Variants in ZRANB1 observed in about 807,000 individuals in gnomAD.
ZRANB1 encodes zinc finger RANBP2-type containing 1, also known as ubiquitin thioesterase ZRANB1.
Under a neutral mutation model 80.5 loss-of-function variants are expected in ZRANB1, and 16 were observed. The observed-to-expected ratio is 0.20, with a 90% CI of 0.13 to 0.30. ZRANB1 has a LOEUF of 0.30. Among genes scored for constraint, ZRANB1 ranks in the 10% least tolerant of loss-of-function variants. ZRANB1 has a pLI of 1.00. For synonymous variants in ZRANB1, 291 were observed against 293.1 expected (o/e 0.99, Z 0.07); for missense variants, 576 against 862.6 (o/e 0.67, Z 4.16).
chr10:124,923,177 C>T, the ZRANB1 span, among the ~76,000 whole-genome samples: 1 of 151,696 alleles, frequency 6.6e-6, no homozygotes, highest in Non-Finnish European at 1.5e-5. Flanking sequence ...GTCTCAGTTA[C>T]TCGGGAGGCT....
intron 8 of ZRANB1, among the ~76,000 whole-genome samples, chr10:124,984,106 C>T (rs1413577636): frequency 1.3e-5 from 2 of 151,914 alleles, no homozygotes; most frequent in Admixed American, 6.6e-5. Context: ...GGGGGGAGTT[C>T]ATTGAAGGCT....
chr10:124,948,151 T>G (rs1951600454), intron 1 of ZRANB1, among the ~76,000 whole-genome samples: 2 of 152,264 alleles, frequency 1.3e-5, no homozygotes, highest in South Asian at 4.2e-4. Flanking sequence ...CTCAGCCTAC[T>G]CAAGGTGAAG....
the ZRANB1 span, among the ~76,000 whole-genome samples, chr10:124,929,421 C>T: frequency 6.6e-5 from 10 of 151,582 alleles, no homozygotes; most frequent in Admixed American, 2.0e-4. Flanking sequence ...CTGCAACGTC[C>T]GTCTACAGTA....
Position 124,943,096 on chromosome 10 carries a change from T to C in ZRANB1, c.603T>C (p.Ala201=), listed in dbSNP as rs759744761. ...CAATAATAAATGAGCAAGACAGAGCTCGATGGAGGGGAAGTTGCAGTAGTG... is the reference window on the plus strand; with the variant it reads ...CAATAATAAATGAGCAAGACAGAGCCCGATGGAGGGGAAGTTGCAGTAGTG... ...ASSIINEQDR[A]RWRGSCSSGN... is the part of the protein sequence containing the mutation. The change falls in exon 1 of 9, where the codon GCT becomes GCC. Residue 201 remains alanine (A), a synonymous_variant. Transcript: ENST00000359653. 1.2e-6 allele frequency: 2 copies of C among 1,614,056 alleles called. No individual in the cohort carries two copies. The highest frequency in any genetic ancestry group is 1.7e-6 in the Non-Finnish European group (2 of 1,180,004).
At chr10:124,927,244 C>T in the ZRANB1 span, among the ~76,000 whole-genome samples, 8 of 152,210 alleles carry the variant, frequency 5.3e-5, no homozygotes, top group East Asian at 3.8e-4. Flanking sequence ...CGTGAGCCAC[C>T]GCGCCCGGCC....
the ZRANB1 span, among the ~76,000 whole-genome samples, chr10:124,924,600 CTCTTATAATACTTCCAAGGTTTATG>C: frequency 9.9e-5 from 15 of 152,072 alleles, no homozygotes; most frequent in Admixed American, 3.9e-4. Context: ...TGGCTTTTTT[CTCTTATAATACTTCCAAGGTTTATG>C]TTGTGGCATG....
the ZRANB1 span, among the ~76,000 whole-genome samples, chr10:124,933,833 C>T: frequency 4.6e-5 from 7 of 152,108 alleles, no homozygotes; most frequent in South Asian, 4.1e-4. Context: ...TTTCTTGTTA[C>T]GATTGAGGAA....
intron 1 of ZRANB1, among the ~76,000 whole-genome samples, chr10:124,943,528 AGTGT>A (rs4020644): frequency 8.1e-5 from 12 of 148,730 alleles, no homozygotes; most frequent in African/African-American, 2.0e-4. Flanking sequence ...CAAAAATGTG[AGTGT>A]GTGTGTGTGT....
chr10:124,937,068 C>T, the ZRANB1 span, among the ~76,000 whole-genome samples: 4 of 152,068 alleles, frequency 2.6e-5, no homozygotes, highest in South Asian at 8.3e-4. Flanking sequence ...AATTCTCCTG[C>T]CTCAGCCTCC....
In ZRANB1 at chr10:124,972,057, G is replaced by T; in HGVS notation, c.1095G>T (p.Gln365His). 6.2e-7 allele frequency: 1 copy of T among 1,614,014 alleles called. No homozygotes were observed. Among genetic ancestry groups the T allele is most frequent in the Non-Finnish European group, 8.5e-7 (1 of 1,179,912 alleles). Residue 365 changes from glutamine to histidine, a missense_variant, in exon 3 of 9, where the codon CAG becomes CAT. Coordinates refer to ENST00000359653, the MANE Select transcript of ZRANB1 (RefSeq NM_017580.3). ...GAGAGATAGCTGCCTCTCTTCATCAGAGAAAGGGGGATTTTGCTTGCTATT... is the reference window on the plus strand; with the variant it reads ...GAGAGATAGCTGCCTCTCTTCATCATAGAAAGGGGGATTTTGCTTGCTATT... Reference protein sequence around the residue: ...IRREIAASLHQRKGDFACYFL... With the variant: ...IRREIAASLHHRKGDFACYFL...
intron 1 of ZRANB1, among the ~76,000 whole-genome samples, chr10:124,948,715 A>G (rs1190133009): frequency 1.3e-5 from 2 of 152,000 alleles, no homozygotes; most frequent in East Asian, 3.9e-4. Flanking sequence ...AATATGCTTC[A>G]TCATCTTGTT....
At chr10:124,941,094 T>C (rs1785978945), upstream of ZRANB1, among the ~76,000 whole-genome samples, 1 of 152,136 alleles carries the variant, frequency 6.6e-6, no homozygotes, top group African/African-American at 2.4e-5. Flanking sequence ...TTCTATACTC[T>C]GCCTAGGATT....
intron 1 of ZRANB1, among the ~76,000 whole-genome samples, chr10:124,961,728 C>G (rs1157270520): frequency 6.6e-6 from 1 of 152,166 alleles, no homozygotes; most frequent in Non-Finnish European, 1.5e-5. Context: ...TTCCTTCTCT[C>G]ATTGAATCTT....
rs1418013177 is a variant in ZRANB1, at chr10:124,986,283, G to GCACACACA, written c.*1292_*1293insACACACAC. 6.6e-5 allele frequency: 3 copies of GCACACACA among 45,374 alleles called. No homozygotes were observed. The highest frequency in any genetic ancestry group is 1.8e-4 in the Non-Finnish European group (3 of 16,462). The allele number at this position is 45,374 out of a possible 1,614,324, so 2.8% of individuals were successfully genotyped here. On this transcript the variant is annotated 3_prime_UTR_variant, in exon 9 of 9. Coordinates refer to ENST00000359653, the MANE Select transcript of ZRANB1 (RefSeq NM_017580.3). ...ATTTGGAAAGACGACACACGCACGCGCGCGCGCGCACACACACACACACAC... is the reference window on the plus strand; with the variant it reads ...ATTTGGAAAGACGACACACGCACGCGCACACACACGCGCGCGCACACACACACACACAC...
At chr10:124,966,959 A>G (rs910489880) in intron 2 of ZRANB1, among the ~76,000 whole-genome samples, 178 bp downstream of exon 2, 5 of 152,240 alleles carry the variant, frequency 3.3e-5, no homozygotes, top group Non-Finnish European at 1.5e-5. Context: ...TATGCTTTCA[A>G]ATATTTGAAT....
the ZRANB1 span, among the ~76,000 whole-genome samples, chr10:124,935,144 T>A: frequency 6.6e-6 from 1 of 152,262 alleles, no homozygotes; most frequent in Non-Finnish European, 1.5e-5. Flanking sequence ...TACAAATTTT[T>A]TAATGGGGCT....
the ZRANB1 span, among the ~76,000 whole-genome samples, chr10:124,931,620 C>G: frequency 6.6e-6 from 1 of 152,192 alleles, no homozygotes; most frequent in Admixed American, 6.5e-5. Context: ...ATCTGCCCAC[C>G]TCAGCCTCCC....
chr10:124,952,791 A>G (rs952233259), intron 1 of ZRANB1, among the ~76,000 whole-genome samples: 20 of 151,886 alleles, frequency 1.3e-4, no homozygotes, highest in Admixed American at 8.5e-4. Flanking sequence ...TTGTATTTTT[A>G]GTAGAGACGG....
chr10:124,970,000 T>C (rs571928136), intron 2 of ZRANB1, among the ~76,000 whole-genome samples: 1 of 152,302 alleles, frequency 6.6e-6, no homozygotes, highest in African/African-American at 2.4e-5. Flanking sequence ...GGAAAGGTCT[T>C]TCCAGGTTTT....
Sources: gnomAD v4.1 joint callset for allele counts (sites outside exome capture counted in the v4.1 genomes callset) on GRCh38, gnomAD v4.1.1 for gene constraint, MANE v1.5 for transcripts, NCBI Gene and HGNC (gene_info 2026-07-23, HGNC 2026-07-21) for gene names.